Variants in TMEM120B observed in about 807,000 individuals in gnomAD.
TMEM120B encodes the protein transmembrane protein 120B.
TMEM120B carries 31 observed loss-of-function variants against 55.5 expected under a neutral mutation model. That is an observed-to-expected ratio of 0.56 (90% CI 0.42 to 0.75). TMEM120B has a LOEUF of 0.75. TMEM120B is among the 30% of genes least tolerant of loss of function. The pLI is 0.00. For synonymous variants in TMEM120B, 203 were observed against 176.3 expected (o/e 1.15, Z -1.20); for missense variants, 399 against 425.5 (o/e 0.94, Z 0.55).
At chr12:121,769,427 C>G (rs1873956573) in intron 6 of TMEM120B, among the ~76,000 whole-genome samples, 1 of 152,146 alleles carries the variant, frequency 6.6e-6, no homozygotes, top group African/African-American at 2.4e-5. Context: ...AATGTCTGGC[C>G]AGGCACAGTG....
intron 1 of TMEM120B, among the ~76,000 whole-genome samples, chr12:121,728,821 C>T (rs900280245): frequency 3.3e-5 from 5 of 152,246 alleles, no homozygotes; most frequent in Non-Finnish European, 7.3e-5. Flanking sequence ...GGTTCATTCT[C>T]AGGCTGGGTC....
rs1874401323 is a variant in TMEM120B, at chr12:121,780,264, G to T, written c.*4542G>T. On this transcript the variant is annotated 3_prime_UTR_variant, in exon 12 of 12. Transcript: ENST00000449592. Reference sequence around the variant, plus strand: ...TAGAGATGGGGTTTCTCTCATGTTGGTCAGGCTGGTCTCAAACTCCCAACC... The same window carrying T: ...TAGAGATGGGGTTTCTCTCATGTTGTTCAGGCTGGTCTCAAACTCCCAACC... 6.4e-6 allele frequency: 1 copy of T among 157,472 alleles called. No homozygotes were observed. The highest frequency in any genetic ancestry group is 1.4e-5 in the Non-Finnish European group (1 of 70,066). 9.8% of individuals were successfully genotyped at this position (157,472 alleles called of 1,614,324 possible).
Position 121,768,289 on chromosome 12 carries a change from A to G in TMEM120B, c.552-2618A>G, listed in dbSNP as rs367882205. On this transcript the variant is annotated intron_variant, in intron 6 of 11. Transcript: ENST00000449592. The stretch of plus-strand genomic sequence containing the variant: ...CAGCCACACCTCCCAGGCATCATTC[A>G]TGTCAACATTTATTGAGTGCCTGTT... Among the ~76,000 whole-genome samples, 20 of 152,270 alleles carry G rather than the reference A, an allele frequency of 1.3e-4. No individual in the cohort carries two copies. In the East Asian group the frequency reaches 2.3e-3, roughly 18 times the overall value.
chr12:121,742,193 G>C (rs1475645187), intron 1 of TMEM120B, among the ~76,000 whole-genome samples: 1 of 144,618 alleles, frequency 6.9e-6, no homozygotes, highest in African/African-American at 2.4e-5. Context: ...AGTAGAGACA[G>C]GGTTTCACTA....
At chr12:121,753,848 A>G (rs1319162786) in intron 5 of TMEM120B, among the ~76,000 whole-genome samples, 1 of 152,220 alleles carries the variant, frequency 6.6e-6, no homozygotes, top group Non-Finnish European at 1.5e-5. Context: ...GGGCTGTGAC[A>G]ATTCAGGGAG....
intron 2 of TMEM120B, among the ~76,000 whole-genome samples, chr12:121,746,948 A>T (rs1404268250): frequency 1.3e-5 from 2 of 150,396 alleles, no homozygotes; most frequent in Admixed American, 1.3e-4. Flanking sequence ...ACAGAGCAAG[A>T]CTCTGTCTCA....
intron 6 of TMEM120B, among the ~76,000 whole-genome samples, chr12:121,769,731 T>TGTGTGTGTGC (rs753747759): frequency 6.6e-6 from 1 of 151,848 alleles, no homozygotes; most frequent in Non-Finnish European, 1.5e-5. Context: ...TGTGTGTGTG[T>TGTGTGTGTGC]GTGTGTACAT....
At chr12:121,748,546 G>C (rs901168204) in intron 3 of TMEM120B, 104 bp downstream of exon 3, 1 of 747,472 alleles carries the variant, frequency 1.3e-6, no homozygotes, top group East Asian at 2.8e-5. Context: ...AGATTGAAGG[G>C]GAAAGAGGGA....
At chr12:121,750,103 A>G (rs1486242642) in intron 3 of TMEM120B, among the ~76,000 whole-genome samples, 1 of 151,984 alleles carries the variant, frequency 6.6e-6, no homozygotes, top group African/African-American at 2.4e-5. Flanking sequence ...ATGCTTAGTC[A>G]CCTGCTCACA....
At chr12:121,770,872 C>A in intron 6 of TMEM120B, 35 bp from the exon 7 acceptor site, 1 of 1,608,696 alleles carries the variant, frequency 6.2e-7, no homozygotes, top group Non-Finnish European at 8.5e-7. Context: ...TTGCTCTCCC[C>A]TCCTGAGCAC....
chr12:121,759,637 C>T (rs1592942847), intron 5 of TMEM120B, among the ~76,000 whole-genome samples: 1 of 151,906 alleles, frequency 6.6e-6, no homozygotes, highest in African/African-American at 2.4e-5. Context: ...GAGATCCCAC[C>T]ATTGCACTCC....
intron 1 of TMEM120B, among the ~76,000 whole-genome samples, chr12:121,714,201 CAG>C (rs1894652742): frequency 6.6e-6 from 1 of 152,132 alleles, no homozygotes; most frequent in Non-Finnish European, 1.5e-5. Context: ...ATCCGGTTCT[CAG>C]GGGACTGTTT....
chr12:121,723,373 G>T (rs1051867282), intron 1 of TMEM120B, among the ~76,000 whole-genome samples: 1 of 152,098 alleles, frequency 6.6e-6, no homozygotes, highest in Admixed American at 6.6e-5. Flanking sequence ...TTGCTGTGTT[G>T]CCCAGGCTCA....
chr12:121,736,441 T>G (rs1172210339), intron 1 of TMEM120B, among the ~76,000 whole-genome samples: 2 of 151,810 alleles, frequency 1.3e-5, no homozygotes, highest in Admixed American at 6.6e-5. Context: ...GTGCTGGGAT[T>G]ACAGGCGTGA....
chr12:121,765,329 C>T (rs542556942), intron 6 of TMEM120B, among the ~76,000 whole-genome samples: 10 of 152,152 alleles, frequency 6.6e-5, no homozygotes, highest in African/African-American at 1.7e-4. Context: ...GGGGTTTCAC[C>T]GTGCTGGCCA....
intron 5 of TMEM120B, 24 bp downstream of exon 5, chr12:121,752,247 C>T: frequency 6.2e-7 from 1 of 1,602,526 alleles, no homozygotes; most frequent in Non-Finnish European, 8.5e-7. Flanking sequence ...CCGTGTGTGC[C>T]TGGGCCTGGG....
At chr12:121,750,855 CCCACACCCCACACCCACACCACACA>C (rs1252103993) in intron 4 of TMEM120B, among the ~76,000 whole-genome samples, 32 of 131,250 alleles carry the variant, frequency 2.4e-4, no homozygotes, top group African/African-American at 8.8e-4. Context: ...ACACCCCATA[CCCACACCCCACACCCACACCACACA>C]CCACACCCCA....
At position 121,761,695 on chromosome 12, in the gene TMEM120B, A is replaced by C; in HGVS notation, c.508A>C (p.Thr170Pro). 6.2e-7 allele frequency: 1 copy of C among 1,613,958 alleles called. No individual in the cohort carries two copies. The change falls in exon 6 of 12, where the codon ACC becomes CCC. Residue 170 changes from threonine to proline, a missense_variant. This residue lies in a region of TMEM120B where 260 missense variants were observed against 303.9 expected (regional missense o/e 0.86). Transcript: ENST00000449592. ...FNFLLVWYYC[T>P]LTIRESILIS... ...CTTCCTGCTGGTGTGGTATTACTGC[A>C]CCCTGACCATTCGGGAGAGCATTCT...
intron 3 of TMEM120B, among the ~76,000 whole-genome samples, chr12:121,749,091 C>T (rs1178043972): frequency 1.3e-5 from 2 of 152,118 alleles, no homozygotes; most frequent in African/African-American, 2.4e-5. Context: ...CCGGATCAGC[C>T]TCGCGCTGAG....
Sources: allele counts gnomAD v4.1 joint callset (sites outside exome capture counted in the v4.1 genomes callset), GRCh38; gene constraint gnomAD v4.1.1; regional missense constraint gnomAD v4.1.1; transcripts MANE v1.5; gene names NCBI Gene and HGNC (gene_info 2026-07-23, HGNC 2026-07-21).